The following TVP23B variants were observed in gnomAD, a reference collection of about 807,000 sequenced individuals.
The protein encoded by TVP23B is trans-golgi network vesicle protein 23 homolog B.
A neutral mutation model predicts 30.6 loss-of-function variants in TVP23B; 10 were observed. The observed-to-expected ratio is 0.33, with a 90% CI of 0.20 to 0.55. The LOEUF is 0.55. Ranked by LOEUF, TVP23B falls within the 20% of genes least tolerant of loss-of-function variation. The pLI, the probability that TVP23B is intolerant of heterozygous loss-of-function variation, is 0.91. For synonymous variants in TVP23B, 67 were observed against 83.1 expected, an observed-to-expected ratio of 0.81 and a Z score of 1.06; for missense variants, 153 against 243.2, an observed-to-expected ratio of 0.63 and a Z score of 2.47.
chr17:18,791,643 T>C (rs2035996136), intron 3 of TVP23B, among the ~76,000 whole-genome samples: 1 of 151,550 alleles, frequency 6.6e-6, no homozygotes, highest in Non-Finnish European at 1.5e-5. Flanking sequence ...CTAAATATCC[T>C]AACACACAGG....
At chr17:18,783,728 T>C (rs924446955) in intron 1 of TVP23B, among the ~76,000 whole-genome samples, 4 of 152,240 alleles carry the variant, frequency 2.6e-5, no homozygotes, top group African/African-American at 9.6e-5. Context: ...CTGGTTTCCA[T>C]CTCCTCTTGC....
At position 18,781,185 on chromosome 17, in the gene TVP23B, T is replaced by TA; in HGVS notation, c.-108dup. 6.6e-7 allele frequency: 1 copy of TA among 1,513,140 alleles called. No individual in the cohort carries two copies. The highest frequency in any genetic ancestry group is 8.9e-7 in the Non-Finnish European group (1 of 1,126,060). The allele number at this position is 1,513,140 out of a possible 1,614,324, so 93.7% of individuals were successfully genotyped here. On this transcript the variant is annotated 5_prime_UTR_variant, in exon 1 of 7. Transcript: ENST00000307767. ...GGAAGTGAGGCCGGACTGAGGCTCT[T>TA]ACAGTGGTCCCTGCTGGCCCTTGGT...
intron 4 of TVP23B, among the ~76,000 whole-genome samples, chr17:18,798,262 G>A (rs2036105121): frequency 6.6e-6 from 1 of 152,238 alleles, no homozygotes; most frequent in African/African-American, 2.4e-5. Context: ...GTATTGACAA[G>A]TTATTTTAAG....
chr17:18,797,435 A>T, intron 3 of TVP23B, 144 bp from the exon 4 acceptor site: 1 of 1,450,644 alleles, frequency 6.9e-7, no homozygotes, highest in East Asian at 2.3e-5. Flanking sequence ...GCCAGGCCTG[A>T]TACATAGTAG....
rs566892582 is a variant in TVP23B at position 18,792,917 on chromosome 17, C to T, written c.240+1877C>T. Among the ~76,000 whole-genome samples the T allele has an allele frequency of 8.0e-4, 122 of 152,158 alleles. 1 individual carries two copies. The highest frequency in any genetic ancestry group is 1.3e-3 in the Non-Finnish European group (88 of 67,998). On this transcript the variant is annotated intron_variant, in intron 3 of 6. Coordinates refer to ENST00000307767, the MANE Select transcript of TVP23B (RefSeq NM_016078.6). Reference sequence around the variant, plus strand: ...AATCTCAATGTACTTACTAAAAAAACAAAAAATCAATCTTCATCTAAACCC... The same window carrying T: ...AATCTCAATGTACTTACTAAAAAAATAAAAAATCAATCTTCATCTAAACCC...
At chr17:18,795,738 G>C (rs1274932992) in intron 3 of TVP23B, 1 of 152,096 alleles carries the variant, frequency 6.6e-6, no homozygotes. Flanking sequence ...CACTTTCTGC[G>C]GTTTCAGTTA....
intron 4 of TVP23B, among the ~76,000 whole-genome samples, chr17:18,797,986 A>G (rs941629006): frequency 1.7e-4 from 25 of 151,202 alleles, no homozygotes; most frequent in Non-Finnish European, 3.3e-4. Context: ...AAATCCCTCT[A>G]TGCTCAGCAG....
intron 4 of TVP23B, among the ~76,000 whole-genome samples, chr17:18,798,291 A>G (rs1329282509): frequency 1.3e-5 from 2 of 152,188 alleles, no homozygotes; most frequent in Admixed American, 6.5e-5. Context: ...ACTGTGTTCA[A>G]TGAGCCTGTA....
At chr17:18,781,328 G>T in intron 1 of TVP23B, 23 bp downstream of exon 1, 1 of 1,576,214 alleles carries the variant, frequency 6.3e-7, no homozygotes, top group Non-Finnish European at 8.6e-7. Context: ...GGGCTCGCTG[G>T]GAGGGTGGCG....
At chr17:18,802,114 C>T (rs1405324106) in intron 5 of TVP23B, among the ~76,000 whole-genome samples, 4 of 152,006 alleles carry the variant, frequency 2.6e-5, no homozygotes, top group East Asian at 1.9e-4. Context: ...CCCAGTTACT[C>T]GGGAGGCTGA....
chr17:18,802,165 T>G (rs2036178119), intron 5 of TVP23B, among the ~76,000 whole-genome samples: 1 of 152,110 alleles, frequency 6.6e-6, no homozygotes, highest in Admixed American at 6.5e-5. Context: ...GAGTTTGCAG[T>G]GAGCCAAGAT....
At chr17:18,782,614 A>G (rs1402504193) in intron 1 of TVP23B, 1 of 152,234 alleles carries the variant, frequency 6.6e-6, no homozygotes, top group Non-Finnish European at 1.5e-5. Flanking sequence ...TACTCCATAG[A>G]GCAACCTGGA....
At chr17:18,800,529 T>G (rs1043208349) in intron 5 of TVP23B, among the ~76,000 whole-genome samples, 1 of 152,234 alleles carries the variant, frequency 6.6e-6, no homozygotes, top group Non-Finnish European at 1.5e-5. Context: ...GGTCACAGTT[T>G]GTTTCTTTTT....
At chr17:18,794,450 T>C (rs972571290) in intron 3 of TVP23B, among the ~76,000 whole-genome samples, 1 of 152,230 alleles carries the variant, frequency 6.6e-6, no homozygotes, top group African/African-American at 2.4e-5. Flanking sequence ...AAGCAAAAAC[T>C]GTAAATATAG....
chr17:18,796,690 A>G (rs2036081617), intron 3 of TVP23B: 1 of 152,198 alleles, frequency 6.6e-6, no homozygotes, highest in African/African-American at 2.4e-5. Context: ...TTTGTTGTCT[A>G]CATTCATAAT....
At chr17:18,793,611 A>T (rs1482385878) in intron 3 of TVP23B, among the ~76,000 whole-genome samples, 1 of 151,702 alleles carries the variant, frequency 6.6e-6, no homozygotes, top group Non-Finnish European at 1.5e-5. Context: ...AAAAAAAAAA[A>T]ATAATGGCAA....
chr17:18,803,457 T>C (rs2036198533), intron 5 of TVP23B, among the ~76,000 whole-genome samples: 1 of 152,236 alleles, frequency 6.6e-6, no homozygotes, highest in African/African-American at 2.4e-5. Flanking sequence ...ATTTTTCTAA[T>C]TAAGATTAAT....
chr17:18,790,631 T>C (rs1268905733), intron 2 of TVP23B, among the ~76,000 whole-genome samples: 1 of 152,170 alleles, frequency 6.6e-6, no homozygotes. Context: ...TAAAATTCTT[T>C]ATTATCTATT....
At chr17:18,800,311 A>G (rs2036140417) in intron 5 of TVP23B, among the ~76,000 whole-genome samples, 1 of 152,114 alleles carries the variant, frequency 6.6e-6, no homozygotes, top group African/African-American at 2.4e-5. Context: ...ACCAAGTTTT[A>G]TAATAGTTAT....
Sources: gnomAD v4.1 joint callset for allele counts (sites outside exome capture counted in the v4.1 genomes callset) on GRCh38, gnomAD v4.1.1 for gene constraint, MANE v1.5 for transcripts, NCBI Gene and HGNC (gene_info 2026-07-23, HGNC 2026-07-21) for gene names.